Variants in RTF2 observed in about 807,000 individuals in gnomAD.
RTF2 encodes UPF0549 protein C20orf43.
RTF2 carries 18 observed loss-of-function variants against 38.0 expected under a neutral mutation model. The observed-to-expected ratio is 0.47, with a 90% CI of 0.33 to 0.70. The LOEUF is 0.70. Among genes scored for constraint, RTF2 ranks in the 30% least tolerant of loss-of-function variants. The pLI, the probability that RTF2 is intolerant of heterozygous loss-of-function variation, is 0.02. For synonymous variants in RTF2, 126 were observed against 137.1 expected (o/e 0.92, Z 0.57); for missense variants, 311 against 379.6 (o/e 0.82, Z 1.50).
intron 5 of RTF2, among the ~76,000 whole-genome samples, chr20:56,498,175 A>G (rs374995964): frequency 4.1e-4 from 63 of 152,314 alleles, no homozygotes; most frequent in African/African-American, 1.4e-3. Context: ...GCCTTATTCA[A>G]AGTTCATTGT....
intron 5 of RTF2, among the ~76,000 whole-genome samples, chr20:56,503,692 G>A (rs1486171021): frequency 6.6e-6 from 1 of 152,170 alleles, no homozygotes; most frequent in Non-Finnish European, 1.5e-5. Flanking sequence ...GCCAGGTGTG[G>A]TGGCTCACAC....
chr20:56,483,005 C>T (rs958288578), intron 4 of RTF2, among the ~76,000 whole-genome samples: 1 of 152,200 alleles, frequency 6.6e-6, no homozygotes, highest in Non-Finnish European at 1.5e-5. Flanking sequence ...TCTTTCTGTT[C>T]TGTCCACCTT....
intron 5 of RTF2, among the ~76,000 whole-genome samples, chr20:56,487,167 CAT>C (rs753611367): frequency 6.6e-6 from 1 of 152,176 alleles, no homozygotes; most frequent in Non-Finnish European, 1.5e-5. Flanking sequence ...CTAAAACAAT[CAT>C]ACTAATAACC....
chr20:56,470,046 C>T (rs1307403431), intron 1 of RTF2, among the ~76,000 whole-genome samples: 1 of 152,196 alleles, frequency 6.6e-6, no homozygotes, highest in Non-Finnish European at 1.5e-5. Flanking sequence ...TAGACAGGAA[C>T]CTTGTGTGTC....
At chr20:56,492,048 C>G (rs975617105) in intron 5 of RTF2, among the ~76,000 whole-genome samples, 3 of 152,128 alleles carry the variant, frequency 2.0e-5, no homozygotes, top group Non-Finnish European at 4.4e-5. Flanking sequence ...TGGGATTTAA[C>G]TCACCACGCG....
intron 5 of RTF2, chr20:56,491,505 C>G (rs1376299268): frequency 1.1e-5 from 12 of 1,137,086 alleles, no homozygotes; most frequent in Non-Finnish European, 1.6e-5. Flanking sequence ...TCAATGTTCT[C>G]TTGTTTCAAG....
chr20:56,473,132 A>G (rs1568690640), intron 1 of RTF2, among the ~76,000 whole-genome samples, 169 bp from the exon 2 acceptor site: 1 of 152,200 alleles, frequency 6.6e-6, no homozygotes, highest in Admixed American at 6.5e-5. Flanking sequence ...CCCCGTCTCA[A>G]AAACAAACAA....
chr20:56,473,166 C>T, intron 1 of RTF2, 135 bp from the exon 2 acceptor site: 1 of 633,532 alleles, frequency 1.6e-6, no homozygotes, highest in Non-Finnish European at 2.7e-6. Flanking sequence ...AACCCAACTT[C>T]CTATGTCATT....
chr20:56,473,071 C>T (rs1266750974), intron 1 of RTF2, among the ~76,000 whole-genome samples: 3 of 152,112 alleles, frequency 2.0e-5, no homozygotes, highest in African/African-American at 7.2e-5. Flanking sequence ...GTGGAGGTTG[C>T]AGTGAGTGAA....
At chr20:56,501,376 A>G (rs1983918437) in intron 5 of RTF2, among the ~76,000 whole-genome samples, 1 of 152,216 alleles carries the variant, frequency 6.6e-6, no homozygotes, top group African/African-American at 2.4e-5. Flanking sequence ...CTGTCACTAA[A>G]TTAATTTCCA....
intron 1 of RTF2, among the ~76,000 whole-genome samples, chr20:56,469,016 C>T (rs1043429732): frequency 6.6e-6 from 1 of 152,202 alleles, no homozygotes; most frequent in African/African-American, 2.4e-5. Context: ...AGCCCTATAG[C>T]TACATACTGT....
rs1983504991 is a variant in RTF2, at chr20:56,496,031, T to C, written c.477+11842T>C. Among the ~76,000 whole-genome samples, 2 of 152,222 alleles carry C rather than the reference T, an allele frequency of 1.3e-5. 1 individual carries two copies. Among genetic ancestry groups the C allele is most frequent in the South Asian group, 4.1e-4 (2 of 4,830 alleles). Reference sequence around the variant, plus strand: ...ATAAATGAAGAACTTTCTAAAGATTTATACTCAGAATTTTCCAAAGTCTCA... The same window carrying C: ...ATAAATGAAGAACTTTCTAAAGATTCATACTCAGAATTTTCCAAAGTCTCA... On this transcript the variant is annotated intron_variant, in intron 5 of 8. Coordinates refer to ENST00000357348, the MANE Select transcript of RTF2 (RefSeq NM_016407.5).
intron 5 of RTF2, among the ~76,000 whole-genome samples, chr20:56,499,389 G>A (rs138299408): frequency 2.3e-3 from 346 of 151,862 alleles, no homozygotes; most frequent in African/African-American, 7.9e-3. Flanking sequence ...CACCATAATG[G>A]CCAGGCTGGT....
At chr20:56,482,097 G>C (rs529896177) in intron 4 of RTF2, among the ~76,000 whole-genome samples, 1 of 152,078 alleles carries the variant, frequency 6.6e-6, no homozygotes, top group East Asian at 1.9e-4. Context: ...ATTGAGCTTT[G>C]CTTATTTTGA....
intron 5 of RTF2, among the ~76,000 whole-genome samples, chr20:56,485,179 G>A (rs1233969579): frequency 6.6e-6 from 1 of 152,168 alleles, no homozygotes; most frequent in Non-Finnish European, 1.5e-5. Flanking sequence ...AGAGAGGCTG[G>A]CGTAGTGGTG....
intron 5 of RTF2, chr20:56,491,366 G>A (rs1043873124): frequency 3.5e-6 from 2 of 577,854 alleles, no homozygotes; most frequent in African/African-American, 3.8e-5. Context: ...GAGTTTTTTT[G>A]TCTTGTGATT....
In RTF2 at chr20:56,468,757, G is replaced by A. The variant is rs779077205; in HGVS notation, c.60G>A (p.Lys20=). 6.3e-7 allele frequency: 1 copy of A among 1,582,840 alleles called. No homozygotes were observed. The change falls in exon 1 of 9, where the codon AAG becomes AAA. Residue 20 remains lysine (K), a synonymous_variant. Transcript: ENST00000357348. The part of the protein sequence containing the change: ...KRHELVKGPK[K]VEKVDKDAEL... ...ATGAACTGGTGAAGGGGCCGAAGAA[G>A]GTTGAGAAGGTCAGTGATGTGGGCC...
intron 5 of RTF2, among the ~76,000 whole-genome samples, chr20:56,487,080 C>A (rs1444953335): frequency 6.6e-5 from 10 of 152,148 alleles, no homozygotes; most frequent in African/African-American, 2.4e-4. Flanking sequence ...TGATCTAAAG[C>A]AATCCAGTTT....
intron 5 of RTF2, chr20:56,495,405 T>G: frequency 1.2e-6 from 1 of 858,188 alleles, no homozygotes; most frequent in Non-Finnish European, 1.9e-6. Context: ...AGGTAGTCAA[T>G]GAGAAAAGTA....
Sources: allele counts gnomAD v4.1 joint callset (sites outside exome capture counted in the v4.1 genomes callset), GRCh38; gene constraint gnomAD v4.1.1; transcripts MANE v1.5; gene names NCBI Gene and HGNC (gene_info 2026-07-23, HGNC 2026-07-21).